RBMS1: variants seen among roughly 807,000 people sequenced by gnomAD.
RBMS1 encodes the protein RNA binding motif single stranded interacting protein 1.
Under a neutral mutation model 62.3 loss-of-function variants are expected in RBMS1, and 17 were observed. That is an observed-to-expected ratio of 0.27 (90% CI 0.19 to 0.41). The LOEUF (loss-of-function observed/expected upper bound fraction) is 0.41. Ranked by LOEUF, RBMS1 falls within the 10% of genes least tolerant of loss-of-function variation. The probability of loss-of-function intolerance (pLI) is 1.00; values close to 1 mark genes in which losing one functional copy is unlikely to be tolerated. For missense variants in RBMS1, 334 were observed against 504.5 expected, an observed-to-expected ratio of 0.66 and a Z score of 3.24; for synonymous variants, 172 against 170.0, an observed-to-expected ratio of 1.01 and a Z score of -0.09.
At chr2:160,409,408 T>G (rs1406048131) in intron 1 of RBMS1, among the ~76,000 whole-genome samples, 1 of 152,136 alleles carries the variant, frequency 6.6e-6, no homozygotes, top group Non-Finnish European at 1.5e-5. Flanking sequence ...TCAAACACAG[T>G]ATAATGAGCA....
In RBMS1 at chr2:160,274,197, T is replaced by C. The variant is rs1042227124; in HGVS notation, c.*575A>G. On this transcript the variant is annotated 3_prime_UTR_variant, in exon 14 of 14. Coordinates refer to ENST00000348849, the MANE Select transcript of RBMS1 (RefSeq NM_016836.4). ...GAATTCATAGAAAAGGATAAGACACTTCACACTACGTTGAAAGAAAGACAG... is the reference window on the plus strand; with the variant it reads ...GAATTCATAGAAAAGGATAAGACACCTCACACTACGTTGAAAGAAAGACAG... The C allele has an allele frequency of 1.3e-5, 2 of 152,574 alleles. No individual in the cohort carries two copies. Among genetic ancestry groups the C allele is most frequent in the African/African-American group, 4.8e-5 (2 of 41,426 alleles). The allele number at this position is 152,574 out of a possible 1,614,324, so 9.5% of individuals were successfully genotyped here. A position where few individuals can be genotyped will look rare whatever the true frequency, so the allele number is the denominator to read the frequency against.
intron 1 of RBMS1, among the ~76,000 whole-genome samples, chr2:160,391,094 C>T (rs181718043): frequency 6.6e-6 from 1 of 151,224 alleles, no homozygotes; most frequent in East Asian, 1.9e-4. Context: ...ATTGTATGCA[C>T]CCAAGAAGAC....
At chr2:160,439,796 CA>C (rs1468108707) in intron 1 of RBMS1, among the ~76,000 whole-genome samples, 3 of 152,212 alleles carry the variant, frequency 2.0e-5, no homozygotes, top group Non-Finnish European at 2.9e-5. Context: ...ACTCCGTCTG[CA>C]ATCCCAGCAC....
chr2:160,364,320 T>G (rs1211446263), intron 2 of RBMS1, among the ~76,000 whole-genome samples: 5 of 152,208 alleles, frequency 3.3e-5, no homozygotes, highest in Non-Finnish European at 7.4e-5. Context: ...GCAGTCAAGG[T>G]TCCAAGATTC....
intron 1 of RBMS1, among the ~76,000 whole-genome samples, chr2:160,448,452 G>A (rs1048125397): frequency 1.3e-5 from 2 of 152,210 alleles, no homozygotes; most frequent in African/African-American, 2.4e-5. Flanking sequence ...GCGCAGCCAC[G>A]CCTGACTGGT....
At chr2:160,483,040 A>G (rs1685432610) in intron 1 of RBMS1, among the ~76,000 whole-genome samples, 1 of 151,896 alleles carries the variant, frequency 6.6e-6, no homozygotes, top group Non-Finnish European at 1.5e-5. Flanking sequence ...ACCCACTGTC[A>G]TTTTAAATCC....
At chr2:160,367,554 C>T (rs1399953016) in intron 1 of RBMS1, 163 bp from the exon 2 acceptor site, 3 of 1,269,842 alleles carry the variant, frequency 2.4e-6, no homozygotes, top group South Asian at 2.0e-5. Flanking sequence ...TTTAAAAAAG[C>T]CCTCTCCTTC....
intron 1 of RBMS1, among the ~76,000 whole-genome samples, chr2:160,430,724 G>A (rs1319377454): frequency 6.6e-6 from 1 of 152,136 alleles, no homozygotes; most frequent in East Asian, 1.9e-4. Context: ...ACCTCTAGCT[G>A]TGTTTTGATG....
intron 1 of RBMS1, among the ~76,000 whole-genome samples, chr2:160,460,783 A>G (rs576147376): frequency 1.7e-4 from 26 of 152,360 alleles, no homozygotes; most frequent in Middle Eastern, 3.4e-3. Context: ...ATGGCGAGGT[A>G]GAAGAAAGGA....
At chr2:160,432,852 T>C (rs547720521) in intron 1 of RBMS1, among the ~76,000 whole-genome samples, 7 of 152,224 alleles carry the variant, frequency 4.6e-5, no homozygotes, top group African/African-American at 1.4e-4. Context: ...GAAACAATGA[T>C]TGGGTATCAC....
At chr2:160,320,959 TG>T (rs996199768) in intron 2 of RBMS1, among the ~76,000 whole-genome samples, 55 of 151,996 alleles carry the variant, frequency 3.6e-4, no homozygotes, top group African/African-American at 1.3e-3. Context: ...GACTCCAATT[TG>T]GGGTAAGGAG....
At chr2:160,290,070 G>T (rs1160946341) in intron 6 of RBMS1, among the ~76,000 whole-genome samples, 2 of 136,420 alleles carry the variant, frequency 1.5e-5, no homozygotes, top group Non-Finnish European at 3.2e-5. Context: ...AAGTGTGTGT[G>T]AGCGTGTTAC....
chr2:160,407,156 T>C (rs1360885917), intron 1 of RBMS1, among the ~76,000 whole-genome samples: 4 of 152,208 alleles, frequency 2.6e-5, no homozygotes, highest in South Asian at 4.1e-4. Flanking sequence ...CACAAAGGTT[T>C]TGGGAAAAAC....
At chr2:160,386,407 G>A (rs1300770610) in intron 1 of RBMS1, among the ~76,000 whole-genome samples, 5 of 152,038 alleles carry the variant, frequency 3.3e-5, no homozygotes, top group Non-Finnish European at 5.9e-5. Context: ...ATGGTGGCGC[G>A]TGCCTGTAAT....
intron 2 of RBMS1, among the ~76,000 whole-genome samples, chr2:160,326,192 T>G (rs62177270): frequency 6.6e-6 from 1 of 151,996 alleles, no homozygotes; most frequent in Non-Finnish European, 1.5e-5. Flanking sequence ...ATAAGTACAG[T>G]CAAGAAAGGA....
intron 1 of RBMS1, among the ~76,000 whole-genome samples, chr2:160,484,870 CA>C (rs756811005): frequency 4.4e-4 from 57 of 129,330 alleles, no homozygotes; most frequent in African/African-American, 1.1e-3. Flanking sequence ...GACTCCGTCT[CA>C]AAAAAAAAAA....
intron 1 of RBMS1, among the ~76,000 whole-genome samples, chr2:160,404,355 C>T: frequency 6.6e-6 from 1 of 152,176 alleles, no homozygotes; most frequent in East Asian, 1.9e-4. Context: ...GTACCAACCA[C>T]CGCTGCTTTA....
intron 1 of RBMS1, among the ~76,000 whole-genome samples, chr2:160,449,585 G>T (rs1411244902): frequency 2.0e-5 from 3 of 152,220 alleles, no homozygotes; most frequent in African/African-American, 7.2e-5. Context: ...ACGGATTAAG[G>T]GCGGTGCAAG....
chr2:160,345,984 C>T (rs1172903274), intron 2 of RBMS1, among the ~76,000 whole-genome samples: 2 of 152,110 alleles, frequency 1.3e-5, no homozygotes, highest in East Asian at 3.9e-4. Flanking sequence ...CTTCACTTTT[C>T]ACTTCCCAGA....
Sources: allele counts gnomAD v4.1 joint callset (sites outside exome capture counted in the v4.1 genomes callset), GRCh38; gene constraint gnomAD v4.1.1; transcripts MANE v1.5; gene names NCBI Gene and HGNC (gene_info 2026-07-23, HGNC 2026-07-21).